MNAT1: variants seen among roughly 807,000 people sequenced by gnomAD.
MNAT1 encodes the protein MNAT1 component of CDK activating kinase.
A neutral mutation model predicts 42.0 loss-of-function variants in MNAT1; 43 were observed. The observed-to-expected ratio is 1.02, with a 90% confidence interval of 0.80 to 1.32. MNAT1 has a LOEUF of 1.32. Among genes scored for constraint, MNAT1 ranks in the 40% most tolerant of loss-of-function variants. The pLI is 0.00. For missense variants in MNAT1, 306 were observed against 350.4 expected (o/e 0.87, Z 1.01); for synonymous variants, 118 against 120.0 (o/e 0.98, Z 0.11).
At chr14:60,912,542 GC>G (rs2035395943) in intron 7 of MNAT1, among the ~76,000 whole-genome samples, 1 of 152,126 alleles carries the variant, frequency 6.6e-6, no homozygotes, top group African/African-American at 2.4e-5. Flanking sequence ...CTCAGCATTT[GC>G]TTGTCTATAA....
intron 7 of MNAT1, among the ~76,000 whole-genome samples, chr14:60,907,676 C>A (rs989603685): frequency 7.8e-5 from 11 of 141,554 alleles, no homozygotes; most frequent in Non-Finnish European, 1.5e-4. Context: ...CAGCTACTCA[C>A]GGGGCTGAGG....
chr14:60,855,339 G>A (rs1357205793), intron 6 of MNAT1, among the ~76,000 whole-genome samples: 1 of 151,988 alleles, frequency 6.6e-6, no homozygotes, highest in Non-Finnish European at 1.5e-5. Context: ...TCTTGGTGGG[G>A]TTCCAGGTGC....
At chr14:60,909,773 G>C (rs945334482) in intron 7 of MNAT1, among the ~76,000 whole-genome samples, 9 of 152,144 alleles carry the variant, frequency 5.9e-5, no homozygotes, top group Admixed American at 2.0e-4. Flanking sequence ...CTCCAGCTTT[G>C]TTCTTTTGGC....
intron 1 of MNAT1, among the ~76,000 whole-genome samples, chr14:60,759,559 T>A (rs1165601402): frequency 6.6e-6 from 1 of 152,230 alleles, no homozygotes; most frequent in Non-Finnish European, 1.5e-5. Flanking sequence ...TGAGTAGCCA[T>A]CATTAACATG....
intron 1 of MNAT1, among the ~76,000 whole-genome samples, chr14:60,770,875 T>A (rs549334359): frequency 8.5e-5 from 13 of 152,218 alleles, no homozygotes; most frequent in Non-Finnish European, 1.8e-4. Context: ...TGTAATTTGT[T>A]CATTTCCACT....
chr14:60,901,879 G>A (rs984208873), intron 7 of MNAT1, among the ~76,000 whole-genome samples: 32 of 152,136 alleles, frequency 2.1e-4, no homozygotes, highest in African/African-American at 7.7e-4. Flanking sequence ...TGTGAACATT[G>A]TTGAAATGAC....
intron 7 of MNAT1, among the ~76,000 whole-genome samples, chr14:60,942,740 A>C (rs570662539): frequency 1.3e-5 from 2 of 152,268 alleles, no homozygotes; most frequent in East Asian, 3.9e-4. Flanking sequence ...ACTACAATGC[A>C]TTTTAGAAAT....
At chr14:60,897,049 A>G (rs936671300) in intron 7 of MNAT1, among the ~76,000 whole-genome samples, 2 of 152,208 alleles carry the variant, frequency 1.3e-5, no homozygotes, top group African/African-American at 4.8e-5. Context: ...TTTATAATTT[A>G]TATCCGCATG....
chr14:60,962,912 A>G (rs1167943166), intron 7 of MNAT1, among the ~76,000 whole-genome samples: 2 of 152,194 alleles, frequency 1.3e-5, no homozygotes, highest in African/African-American at 4.8e-5. Flanking sequence ...GGTAAAGTGT[A>G]AGAGTAACAT....
intron 6 of MNAT1, among the ~76,000 whole-genome samples, chr14:60,825,633 G>T (rs2033034490): frequency 6.6e-6 from 1 of 152,080 alleles, no homozygotes; most frequent in Non-Finnish European, 1.5e-5. Context: ...TTTTACAAAT[G>T]TGAAAACTGA....
chr14:60,761,610 A>G (rs1236154946), intron 1 of MNAT1, among the ~76,000 whole-genome samples: 2 of 152,202 alleles, frequency 1.3e-5, no homozygotes, highest in African/African-American at 4.8e-5. Flanking sequence ...AAAAAGTTGC[A>G]AAGCAGCTCT....
intron 6 of MNAT1, among the ~76,000 whole-genome samples, chr14:60,850,375 A>G (rs2033794836): frequency 1.3e-5 from 2 of 152,212 alleles, no homozygotes; most frequent in South Asian, 4.1e-4. Flanking sequence ...TGTTCTGCAT[A>G]GTAGTAACAT....
intron 6 of MNAT1, among the ~76,000 whole-genome samples, chr14:60,829,634 A>T (rs1404660894): frequency 1.3e-5 from 2 of 152,166 alleles, no homozygotes; most frequent in African/African-American, 4.8e-5. Flanking sequence ...ATTTTCAGTT[A>T]TATCAGTTAC....
intron 7 of MNAT1, among the ~76,000 whole-genome samples, chr14:60,915,175 A>C (rs926082394): frequency 6.6e-6 from 1 of 151,980 alleles, no homozygotes; most frequent in African/African-American, 2.4e-5. Flanking sequence ...TTGTTCTACT[A>C]TTTACCTCTG....
intron 6 of MNAT1, among the ~76,000 whole-genome samples, chr14:60,862,190 A>T (rs2034112210): frequency 6.6e-6 from 1 of 152,214 alleles, no homozygotes; most frequent in Admixed American, 6.5e-5. Context: ...GCAAGTAATT[A>T]TCCTCAGATC....
chr14:60,960,951 CTTTCT>C (rs1400397423), intron 7 of MNAT1, among the ~76,000 whole-genome samples: 9 of 152,028 alleles, frequency 5.9e-5, no homozygotes, highest in African/African-American at 2.2e-4. Context: ...TTCCTTTTTA[CTTTCT>C]TTTTTCTTTT....
intron 1 of MNAT1, among the ~76,000 whole-genome samples, chr14:60,759,230 C>A (rs1007785093): frequency 3.3e-5 from 5 of 152,086 alleles, no homozygotes; most frequent in African/African-American, 4.8e-5. Flanking sequence ...TGCTAAAAAT[C>A]CAAATTCCTT....
At chr14:60,782,729 A>G (rs1029499369) in intron 1 of MNAT1, among the ~76,000 whole-genome samples, 41 of 152,166 alleles carry the variant, frequency 2.7e-4, no homozygotes, top group Admixed American at 2.1e-3. Context: ...TTTATTTCTC[A>G]CAAGGAAGGA....
At chr14:60,880,802 C>T (rs573024996) in intron 7 of MNAT1, among the ~76,000 whole-genome samples, 1 of 152,220 alleles carries the variant, frequency 6.6e-6, no homozygotes, top group African/African-American at 2.4e-5. Flanking sequence ...TCTTTATTCT[C>T]TTAAAGTCCT....
Sources: allele counts gnomAD v4.1 joint callset (sites outside exome capture counted in the v4.1 genomes callset), GRCh38; gene constraint gnomAD v4.1.1; transcripts MANE v1.5; gene names NCBI Gene and HGNC (gene_info 2026-07-23, HGNC 2026-07-21).